The following SHROOM4 variants were observed in gnomAD, a reference collection of about 807,000 sequenced individuals.
SHROOM4 encodes the protein shroom family member 4.
SHROOM4 carries 17 observed loss-of-function variants against 80.3 expected under a neutral mutation model. That is an observed-to-expected ratio of 0.21 (90% CI 0.14 to 0.32). SHROOM4 has a LOEUF of 0.32. Ranked by LOEUF, SHROOM4 falls within the 10% of genes least tolerant of loss-of-function variation. SHROOM4 has a pLI of 1.00. For synonymous variants in SHROOM4, 400 were observed against 437.5 expected (o/e 0.91, Z 1.07); for missense variants, 993 against 1,140.3 (o/e 0.87, Z 1.86).
chrX:50,811,684 C>A (rs782683919), intron 1 of SHROOM4, among the ~76,000 whole-genome samples: 1 of 111,501 alleles, frequency 9.0e-6, no homozygotes, highest in East Asian at 2.8e-4. Context: ...AATCATTGTG[C>A]TTAAAAAAAT....
intron 2 of SHROOM4, among the ~76,000 whole-genome samples, chrX:50,650,633 T>C (rs1358755407): frequency 6.3e-5 from 7 of 111,471 alleles, no homozygotes; most frequent in South Asian, 3.8e-4. Context: ...GCTGGGATTA[T>C]AGGCGTGAGC....
chrX:50,682,209 T>G (rs148334639), intron 2 of SHROOM4, among the ~76,000 whole-genome samples: 2 of 112,069 alleles, frequency 1.8e-5, no homozygotes, highest in Non-Finnish European at 3.8e-5. Flanking sequence ...TTCTTATAAA[T>G]AGCATTTGTA....
intron 1 of SHROOM4, among the ~76,000 whole-genome samples, chrX:50,698,152 C>A (rs1933423156): frequency 5.3e-5 from 6 of 112,350 alleles, no homozygotes; most frequent in Non-Finnish European, 1.1e-4. Context: ...GCAGCAAGAT[C>A]TCTGTTTATT....
intron 1 of SHROOM4, among the ~76,000 whole-genome samples, chrX:50,800,377 G>T (rs1423679739): frequency 6.3e-5 from 7 of 111,945 alleles, no homozygotes; most frequent in Non-Finnish European, 1.3e-4. Flanking sequence ...AGCCATTGTC[G>T]TCTAGAAGAT....
intron 1 of SHROOM4, among the ~76,000 whole-genome samples, chrX:50,759,027 T>A (rs1359497055): frequency 2.7e-5 from 3 of 112,041 alleles, no homozygotes. Context: ...ATTCTTGAAA[T>A]CTGTAATTTG....
At chrX:50,652,325 A>G (rs781942070) in intron 2 of SHROOM4, among the ~76,000 whole-genome samples, 5 of 112,351 alleles carry the variant, frequency 4.5e-5, no homozygotes, top group South Asian at 7.4e-4. Context: ...GCATTTCTCT[A>G]ATGGCCAATG....
chrX:50,695,740 G>A (rs782071731), intron 2 of SHROOM4, 46 bp downstream of exon 2: 1 of 1,195,449 alleles, frequency 8.4e-7, no homozygotes, highest in Admixed American at 2.2e-5. Context: ...TACCAACCAA[G>A]TTTCAGTGGC....
intron 5 of SHROOM4, among the ~76,000 whole-genome samples, chrX:50,619,768 G>A (rs1417173064): frequency 2.7e-5 from 3 of 111,602 alleles, no homozygotes; most frequent in East Asian, 2.8e-4. Flanking sequence ...GTGAATAATA[G>A]CACTGAAATG....
rs1468475088 is a variant in SHROOM4, at chrX:50,619,887, T to C, written c.2957+7727A>G. Among the ~76,000 whole-genome samples the C allele has an allele frequency of 2.7e-5, 3 of 110,126 alleles. No individual in the cohort carries two copies. In the East Asian group the frequency reaches 8.6e-4, roughly 32 times the overall value. Reference sequence around the variant, plus strand: ...ATTGGTGGGGGTGTGTGTGAGGGGGTACTATGTTGTAGTGGTGGTGACAAA... The same window carrying C: ...ATTGGTGGGGGTGTGTGTGAGGGGGCACTATGTTGTAGTGGTGGTGACAAA... On this transcript the variant is annotated intron_variant, in intron 5 of 8. Coordinates refer to ENST00000376020, the MANE Select transcript of SHROOM4 (RefSeq NM_020717.5).
chrX:50,631,372 AAG>A (rs1931058749), intron 4 of SHROOM4, among the ~76,000 whole-genome samples: 1 of 112,092 alleles, frequency 8.9e-6, no homozygotes, highest in Non-Finnish European at 1.9e-5. Context: ...TCAGTAAACT[AAG>A]AATAAAAGAG....
intron 5 of SHROOM4, among the ~76,000 whole-genome samples, chrX:50,625,849 C>G (rs1271570520): frequency 8.9e-6 from 1 of 111,908 alleles, no homozygotes; most frequent in African/African-American, 3.2e-5. Context: ...GCTGGTCTAC[C>G]TAGGCTGGTC....
chrX:50,746,631 G>C (rs1934778129), intron 1 of SHROOM4, among the ~76,000 whole-genome samples: 1 of 111,945 alleles, frequency 8.9e-6, no homozygotes, highest in Non-Finnish European at 1.9e-5. Context: ...AAAGCCTTAG[G>C]ATTCTTCCCT....
In SHROOM4 at chrX:50,633,817, CTTG is replaced by C. The variant is rs782021335; in HGVS notation, c.2253_2255del (p.Asn751del). ...CTTGAGCAGTAGAAGCCTTCAATTC[CTTG>C]TTGTCACCTGGGTTGGAAGGGCCTT... On this transcript the variant is annotated inframe_deletion, in exon 4 of 9. Transcript: ENST00000376020. The C allele has an allele frequency of 2.5e-6, 3 of 1,212,296 alleles. No homozygotes were observed. The highest frequency in any genetic ancestry group is 3.5e-5 in the South Asian group (2 of 57,027).
At chrX:50,741,197 T>C (rs1420981805) in intron 1 of SHROOM4, among the ~76,000 whole-genome samples, 2 of 111,103 alleles carry the variant, frequency 1.8e-5, no homozygotes, top group African/African-American at 6.5e-5. Flanking sequence ...AATCACTTTA[T>C]AATACCGGCT....
rs1929759336 is a variant in SHROOM4 at position 50,607,878 on chromosome X, C to T, written c.3264G>A (p.Gln1088=). 1 of 1,209,905 alleles carries T rather than the reference C, an allele frequency of 8.3e-7. No homozygotes were observed. The highest frequency in any genetic ancestry group is 1.1e-6 in the Non-Finnish European group (1 of 894,282). The change falls in exon 6 of 9, where the codon CAG becomes CAA. Residue 1088 remains glutamine, a synonymous_variant. Coordinates refer to ENST00000376020, the MANE Select transcript of SHROOM4 (RefSeq NM_020717.5). ...TCTTCCTGGCTCCGAGAAGATCCGACTGGGTCTCATCACCTTTGCTAAAGA... is the reference window on the plus strand; with the variant it reads ...TCTTCCTGGCTCCGAGAAGATCCGATTGGGTCTCATCACCTTTGCTAAAGA... The part of the protein sequence containing the change: ...RELFSKGDET[Q]SDLLGARKKA...
intron 2 of SHROOM4, among the ~76,000 whole-genome samples, chrX:50,682,694 C>T (rs1932969181): frequency 2.7e-5 from 3 of 111,544 alleles, no homozygotes; most frequent in South Asian, 7.5e-4. Flanking sequence ...GTTAGCTAAA[C>T]AAAGAAGAGG....
chrX:50,718,678 T>C (rs147356748), intron 1 of SHROOM4, among the ~76,000 whole-genome samples: 2,956 of 111,637 alleles, frequency 0.026, 40 homozygotes, highest in Middle Eastern at 0.06. Context: ...GTGTGGAAGA[T>C]GGGCTAGATT....
At position 50,607,446 on chromosome X, in the gene SHROOM4, G is replaced by T; in HGVS notation, c.3696C>A (p.Pro1232=). 1 of 1,211,512 alleles carries T rather than the reference G, an allele frequency of 8.3e-7. No individual in the cohort carries two copies. The part of the protein sequence containing the change: ...HLGSQPEQAQ[P]PCYYGIGGLW... Reference sequence around the variant, plus strand: ...GCCCACCAATGCCATAGTAGCAAGGGGGCTGAGCCTGCTCAGGTTGAGATC... The same window carrying T: ...GCCCACCAATGCCATAGTAGCAAGGTGGCTGAGCCTGCTCAGGTTGAGATC... The change falls in exon 6 of 9, where the codon CCC becomes CCA. Residue 1232 remains proline, a synonymous_variant. Transcript: ENST00000376020.
chrX:50,610,291 A>G (rs1249441965), intron 5 of SHROOM4, among the ~76,000 whole-genome samples: 3 of 108,213 alleles, frequency 2.8e-5, no homozygotes, highest in Admixed American at 1.0e-4. Context: ...GATCATTAAG[A>G]TTATAACAAT....
Sources: gnomAD v4.1 joint callset for allele counts (sites outside exome capture counted in the v4.1 genomes callset) on GRCh38, gnomAD v4.1.1 for gene constraint, MANE v1.5 for transcripts, NCBI Gene and HGNC (gene_info 2026-07-23, HGNC 2026-07-21) for gene names.